The following KLF12 variants were observed in gnomAD, a reference collection of about 807,000 sequenced individuals.
KLF12 encodes KLF transcription factor 12, also known as Krueppel-like factor 12.
In KLF12, 9 loss-of-function variants were observed where a neutral mutation model predicts 37.8. That is an observed-to-expected ratio of 0.24 (90% CI 0.14 to 0.42). KLF12 has a LOEUF of 0.42. KLF12 is among the 10% of genes least tolerant of loss of function. The pLI, the probability that KLF12 is intolerant of heterozygous loss-of-function variation, is 1.00. For synonymous variants in KLF12, 208 were observed against 202.1 expected (o/e 1.03, Z -0.25); for missense variants, 411 against 516.0 (o/e 0.80, Z 1.97).
chr13:73,705,271 T>TTTTA (rs978446502), intron 7 of KLF12, among the ~76,000 whole-genome samples: 5 of 152,178 alleles, frequency 3.3e-5, no homozygotes, highest in Non-Finnish European at 4.4e-5. Context: ...TGAATCAACA[T>TTTTA]TTTATTTATT....
At chr13:74,263,223 C>G in the KLF12 span, among the ~76,000 whole-genome samples, 6 of 152,238 alleles carry the variant, frequency 3.9e-5, no homozygotes, top group East Asian at 1.2e-3. Flanking sequence ...GCTCCTTGTA[C>G]ACATCTTTTT....
intron 1 of KLF12, among the ~76,000 whole-genome samples, chr13:74,107,547 T>C (rs535670143): frequency 4.0e-4 from 61 of 152,360 alleles, no homozygotes; most frequent in Non-Finnish European, 7.5e-4. Flanking sequence ...CGTGTGTGTA[T>C]TTGTGCGCAT....
chr13:74,160,377 C>G, the KLF12 span, among the ~76,000 whole-genome samples: 1 of 152,042 alleles, frequency 6.6e-6, no homozygotes, highest in Non-Finnish European at 1.5e-5. Flanking sequence ...CATCTTGTAA[C>G]TAGATATTAA....
intron 3 of KLF12, among the ~76,000 whole-genome samples, chr13:73,904,032 A>T (rs1238358849): frequency 6.6e-6 from 1 of 152,242 alleles, no homozygotes; most frequent in African/African-American, 2.4e-5. Context: ...ATGAGGCAGC[A>T]GTTGGCATCA....
At chr13:73,908,129 G>A (rs1387999361) in intron 3 of KLF12, among the ~76,000 whole-genome samples, 2 of 152,080 alleles carry the variant, frequency 1.3e-5, no homozygotes, top group Non-Finnish European at 2.9e-5. Context: ...CCGGCCAGGC[G>A]CAGTGACTCA....
the KLF12 span, among the ~76,000 whole-genome samples, chr13:74,293,202 AG>A: frequency 3.3e-5 from 5 of 152,210 alleles, no homozygotes; most frequent in Non-Finnish European, 5.9e-5. Flanking sequence ...CTTTACCCAA[AG>A]GGTGCCAGTG....
chr13:74,150,414 T>G, the KLF12 span, among the ~76,000 whole-genome samples: 3 of 152,226 alleles, frequency 2.0e-5, no homozygotes, highest in African/African-American at 7.2e-5. Flanking sequence ...CACATTTCGT[T>G]CATGCCTTTC....
intron 1 of KLF12, among the ~76,000 whole-genome samples, chr13:74,069,519 T>C (rs548867476): frequency 7.7e-4 from 117 of 152,032 alleles, no homozygotes; most frequent in Admixed American, 3.4e-3. Context: ...ACATCCCAAA[T>C]AGTGGAGAGG....
At chr13:73,890,188 T>C (rs756209413) in intron 3 of KLF12, among the ~76,000 whole-genome samples, 3 of 152,104 alleles carry the variant, frequency 2.0e-5, no homozygotes, top group East Asian at 1.9e-4. Flanking sequence ...CAACACTGTA[T>C]TCCTTATTTT....
chr13:73,788,554 G>T (rs1340250567), intron 5 of KLF12, among the ~76,000 whole-genome samples: 1 of 152,164 alleles, frequency 6.6e-6, no homozygotes, highest in East Asian at 1.9e-4. Flanking sequence ...TTCTGTAAAG[G>T]ATGGGTCAGC....
At chr13:73,744,360 G>C (rs1535802) in intron 6 of KLF12, among the ~76,000 whole-genome samples, 73,795 of 151,962 alleles carry the variant, frequency 0.49, 19,458 homozygotes, top group African/African-American at 0.69. Context: ...TGTGAATGTC[G>C]CAAGGGTTGG....
chr13:74,207,991 A>G, the KLF12 span, among the ~76,000 whole-genome samples: 1 of 152,202 alleles, frequency 6.6e-6, no homozygotes, highest in Admixed American at 6.5e-5. Flanking sequence ...TGAATTAGAC[A>G]TTTTTAAAGC....
intron 1 of KLF12, among the ~76,000 whole-genome samples, chr13:74,131,712 T>C (rs1878268958): frequency 6.6e-6 from 1 of 152,250 alleles, no homozygotes; most frequent in Non-Finnish European, 1.5e-5. Context: ...AAGAATGTTT[T>C]GTTTAACCTG....
At chr13:73,756,649 A>G (rs908861214) in intron 6 of KLF12, among the ~76,000 whole-genome samples, 2 of 152,140 alleles carry the variant, frequency 1.3e-5, no homozygotes, top group Non-Finnish European at 2.9e-5. Flanking sequence ...TGATGGTTCT[A>G]ATTTATAAAG....
rs1353122006 is a variant in KLF12 at position 73,690,003 on chromosome 13, TAGAA to T, written c.*5483_*5486del. ...TTTGTGTTCTTAACGTTCTGCAAGT[TAGAA>T]AGATCAAATTAAGAAATGTTAATGT... On this transcript the variant is annotated 3_prime_UTR_variant, in exon 8 of 8. Coordinates refer to ENST00000377669, the MANE Select transcript of KLF12 (RefSeq NM_007249.5). 1.3e-5 allele frequency: 2 copies of T among 152,332 alleles called. No homozygotes were observed. Among genetic ancestry groups the T allele is most frequent in the African/African-American group, 4.8e-5 (2 of 41,456 alleles). The allele number at this position is 152,332 out of a possible 1,614,324, so 9.4% of individuals were successfully genotyped here. A position where few individuals can be genotyped will look rare whatever the true frequency, so the allele number is the denominator to read the frequency against.
chr13:73,722,517 T>A (rs1876341950), intron 6 of KLF12, among the ~76,000 whole-genome samples: 1 of 152,156 alleles, frequency 6.6e-6, no homozygotes, highest in Admixed American at 6.5e-5. Context: ...GCAGCTACAT[T>A]CGGAGGTGGA....
chr13:73,993,673 A>C (rs984667134), intron 2 of KLF12, among the ~76,000 whole-genome samples: 2 of 152,230 alleles, frequency 1.3e-5, no homozygotes, highest in Non-Finnish European at 2.9e-5. Flanking sequence ...GGAATACATA[A>C]AATTTTTAAC....
the KLF12 span, among the ~76,000 whole-genome samples, chr13:74,256,086 C>T: frequency 3.1e-3 from 462 of 150,382 alleles, 4 homozygotes; most frequent in African/African-American, 0.011. Context: ...ACCCAGAAGG[C>T]GGAGCTTGCA....
intron 6 of KLF12, among the ~76,000 whole-genome samples, chr13:73,747,400 G>A (rs1878446628): frequency 6.6e-6 from 1 of 152,110 alleles, no homozygotes; most frequent in Non-Finnish European, 1.5e-5. Flanking sequence ...TTAAAGGGTA[G>A]GTAAAGGAAA....
Sources: gnomAD v4.1 joint callset for allele counts (sites outside exome capture counted in the v4.1 genomes callset) on GRCh38, gnomAD v4.1.1 for gene constraint, MANE v1.5 for transcripts, NCBI Gene and HGNC (gene_info 2026-07-23, HGNC 2026-07-21) for gene names.